XKR9: variants seen among roughly 807,000 people sequenced by gnomAD.
XKR9 encodes XK-related protein 9.
XKR9 carries 32 observed loss-of-function variants against 32.0 expected under a neutral mutation model. The observed-to-expected ratio is 1.00, with a 90% CI of 0.76 to 1.34. The LOEUF (loss-of-function observed/expected upper bound fraction) is 1.34, where lower values mean the gene tolerates loss of function less well. Ranked by LOEUF, XKR9 falls within the 40% of genes most tolerant of loss-of-function variation. The pLI, the probability that XKR9 is intolerant of heterozygous loss-of-function variation, is 0.00. For missense variants in XKR9, 546 were observed against 429.7 expected (o/e 1.27, Z -2.39); for synonymous variants, 168 against 143.4 (o/e 1.17, Z -1.22).
chr8:71,037,048 A>T, the XKR9 span, among the ~76,000 whole-genome samples: 1 of 152,036 alleles, frequency 6.6e-6, no homozygotes, highest in African/African-American at 2.4e-5. Flanking sequence ...TGTGTTACTG[A>T]TAATCAAGGG....
chr8:70,955,244 C>T, the XKR9 span, among the ~76,000 whole-genome samples: 1 of 152,160 alleles, frequency 6.6e-6, no homozygotes, highest in Admixed American at 6.5e-5. Flanking sequence ...CAGTGGGATC[C>T]CCAGGTAAAG....
At chr8:70,727,614 G>C (rs947928538) in intron 4 of XKR9, among the ~76,000 whole-genome samples, 1 of 152,030 alleles carries the variant, frequency 6.6e-6, no homozygotes, top group Non-Finnish European at 1.5e-5. Context: ...TGGCCAGGCT[G>C]GTCTTGAACT....
chr8:70,693,964 C>G (rs573913983), intron 3 of XKR9, among the ~76,000 whole-genome samples: 1 of 152,048 alleles, frequency 6.6e-6, no homozygotes, highest in Non-Finnish European at 1.5e-5. Context: ...GGCTTGGTAG[C>G]TCTGGCAGGG....
the XKR9 span, among the ~76,000 whole-genome samples, chr8:70,864,417 G>C: frequency 6.6e-6 from 1 of 152,142 alleles, no homozygotes; most frequent in Non-Finnish European, 1.5e-5. Context: ...ATTATAGAAA[G>C]CAGAGAACAA....
At chr8:71,038,666 C>T in the XKR9 span, among the ~76,000 whole-genome samples, 1 of 143,938 alleles carries the variant, frequency 6.9e-6, no homozygotes, top group African/African-American at 2.6e-5. Context: ...GTTATAGAGA[C>T]ATCATAAAAC....
chr8:70,955,375 A>T, the XKR9 span, among the ~76,000 whole-genome samples: 1 of 152,290 alleles, frequency 6.6e-6, no homozygotes, highest in African/African-American at 2.4e-5. Context: ...ACGATACCTT[A>T]TATTTGAGAA....
the XKR9 span, among the ~76,000 whole-genome samples, chr8:71,058,884 A>G: frequency 6.6e-6 from 1 of 152,226 alleles, no homozygotes; most frequent in Non-Finnish European, 1.5e-5. Flanking sequence ...GCTAATATTT[A>G]AATGCATCCT....
chr8:71,022,531 T>C, the XKR9 span, among the ~76,000 whole-genome samples: 1 of 152,192 alleles, frequency 6.6e-6, no homozygotes, highest in East Asian at 1.9e-4. Context: ...AGATTTTCTC[T>C]TGCTGTTTTC....
chr8:70,866,007 T>C, the XKR9 span, among the ~76,000 whole-genome samples: 1 of 152,214 alleles, frequency 6.6e-6, no homozygotes, highest in Non-Finnish European at 1.5e-5. Flanking sequence ...CTCTGTAATA[T>C]ACCTTGAGCT....
chr8:70,972,288 A>T, the XKR9 span, among the ~76,000 whole-genome samples: 27 of 152,240 alleles, frequency 1.8e-4, no homozygotes, highest in African/African-American at 5.8e-4. Flanking sequence ...TGTATAGCAG[A>T]GCTACTGATT....
intron 4 of XKR9, among the ~76,000 whole-genome samples, chr8:70,728,088 C>G (rs956575357): frequency 6.6e-6 from 1 of 152,024 alleles, no homozygotes; most frequent in African/African-American, 2.4e-5. Context: ...TTTTTTTAAA[C>G]TAGAAACTAG....
At chr8:70,997,331 C>T in the XKR9 span, among the ~76,000 whole-genome samples, 1 of 151,918 alleles carries the variant, frequency 6.6e-6, no homozygotes, top group African/African-American at 2.4e-5. Context: ...CAAAACCCCC[C>T]CGCACAAGTT....
chr8:71,033,912 C>T, the XKR9 span, among the ~76,000 whole-genome samples: 1 of 152,136 alleles, frequency 6.6e-6, no homozygotes, highest in Non-Finnish European at 1.5e-5. Context: ...CAGCACAAAA[C>T]GGACAAAGAT....
the XKR9 span, among the ~76,000 whole-genome samples, chr8:70,808,953 C>A: frequency 6.6e-6 from 1 of 152,350 alleles, no homozygotes; most frequent in East Asian, 1.9e-4. Flanking sequence ...AGTAGTGGTT[C>A]TCCCAGCATG....
chr8:71,010,007 A>T, the XKR9 span, among the ~76,000 whole-genome samples: 1 of 152,218 alleles, frequency 6.6e-6, no homozygotes, highest in Non-Finnish European at 1.5e-5. Context: ...TCTGCTCAGC[A>T]GGAGAAGACC....
intron 3 of XKR9, among the ~76,000 whole-genome samples, chr8:70,683,359 A>G (rs879476896): frequency 2.0e-5 from 3 of 152,162 alleles, no homozygotes; most frequent in Non-Finnish European, 2.9e-5. Context: ...TAATCCCACT[A>G]GATATTATTA....
chr8:70,865,123 AG>A, the XKR9 span, among the ~76,000 whole-genome samples: 1 of 152,164 alleles, frequency 6.6e-6, no homozygotes, highest in African/African-American at 2.4e-5. Context: ...TACCCTGGAA[AG>A]GGGGGTTGAA....
At chr8:71,012,665 T>C in the XKR9 span, among the ~76,000 whole-genome samples, 1 of 152,202 alleles carries the variant, frequency 6.6e-6, no homozygotes, top group Non-Finnish European at 1.5e-5. Context: ...AAGTACTTCA[T>C]AGGTGGTTTT....
chr8:70,873,110 T>G, the XKR9 span, among the ~76,000 whole-genome samples: 1 of 152,218 alleles, frequency 6.6e-6, no homozygotes, highest in Non-Finnish European at 1.5e-5. Flanking sequence ...CATAGTTTAC[T>G]GAATAGTTTA....
Sources: gnomAD v4.1 joint callset for allele counts (sites outside exome capture counted in the v4.1 genomes callset) on GRCh38, gnomAD v4.1.1 for gene constraint, MANE v1.5 for transcripts, NCBI Gene and HGNC (gene_info 2026-07-23, HGNC 2026-07-21) for gene names.